CAST: variants seen among roughly 807,000 people sequenced by gnomAD.
CAST encodes the protein calpastatin.
A neutral mutation model predicts 119.6 loss-of-function variants in CAST; 76 were observed. The ratio of observed to expected loss-of-function variants is 0.64; its 90% CI spans 0.53 to 0.77. CAST has a LOEUF of 0.77. Among genes scored for constraint, CAST ranks in the 30% least tolerant of loss-of-function variants. CAST has a pLI of 0.00. For synonymous variants in CAST, 319 were observed against 331.6 expected, an observed-to-expected ratio of 0.96 and a Z score of 0.41; for missense variants, 953 against 946.5, an observed-to-expected ratio of 1.01 and a Z score of -0.09.
rs1392237469 is a variant in CAST, at chr5:96,702,729, C to T, written c.210+6822C>T. 17 of 980,600 alleles carry T rather than the reference C, an allele frequency of 1.7e-5. 1 individual carries two copies. Among genetic ancestry groups the T allele is most frequent in the Middle Eastern group, 1.1e-3 (2 of 1,902 alleles). 60.7% of individuals were successfully genotyped at this position (980,600 alleles called of 1,614,324 possible). A position where few individuals can be genotyped will look rare whatever the true frequency, so the allele number is the denominator to read the frequency against. ...TCCCTCCCCACGCATCCCGGGCTCC[C>T]GGGGCGGGGCCGCCGGGCAGGGGGG... On this transcript the variant is annotated intron_variant, in intron 3 of 31. Transcript: ENST00000675179.
intron 3 of CAST, among the ~76,000 whole-genome samples, chr5:96,711,839 C>T (rs2150360163): frequency 6.6e-6 from 1 of 152,226 alleles, no homozygotes; most frequent in East Asian, 1.9e-4. Flanking sequence ...GGTGAGGTTT[C>T]CCACTTGTCT....
At chr5:96,401,970 C>T in the CAST span, among the ~76,000 whole-genome samples, 50,366 of 152,044 alleles carry the variant, frequency 0.33, 8,688 homozygotes, top group Admixed American at 0.43. Context: ...TTTTCCTCGA[C>T]TTTGAGACCT....
At chr5:96,615,716 T>C (rs1034855709) in intron 1 of CAST, among the ~76,000 whole-genome samples, 1 of 152,154 alleles carries the variant, frequency 6.6e-6, no homozygotes, top group Non-Finnish European at 1.5e-5. Flanking sequence ...AAGCATTTGC[T>C]GGGAAAGAGG....
At chr5:96,729,110 T>C in intron 6 of CAST, 43 bp from the exon 7 acceptor site, 1 of 1,156,816 alleles carries the variant, frequency 8.6e-7, no homozygotes, top group Non-Finnish European at 1.3e-6. Flanking sequence ...GTATTACAAG[T>C]TGGATTCCAG....
chr5:96,147,658 C>T, the CAST span, among the ~76,000 whole-genome samples: 52 of 152,134 alleles, frequency 3.4e-4, no homozygotes, highest in African/African-American at 1.2e-3. Flanking sequence ...AACAAAAGAA[C>T]AAATAATTTG....
the CAST span, among the ~76,000 whole-genome samples, chr5:95,968,065 C>G: frequency 3.3e-5 from 5 of 152,216 alleles, no homozygotes; most frequent in South Asian, 1.0e-3. Flanking sequence ...TTGAACATGG[C>G]TATAAGGTCT....
At chr5:96,737,136 G>A (rs1200948242) in intron 10 of CAST, among the ~76,000 whole-genome samples, 1 of 152,174 alleles carries the variant, frequency 6.6e-6, no homozygotes, top group African/African-American at 2.4e-5. Context: ...GGGGATTATA[G>A]GTCCCTCCCT....
chr5:96,351,401 C>T, the CAST span, among the ~76,000 whole-genome samples: 3 of 152,142 alleles, frequency 2.0e-5, no homozygotes, highest in African/African-American at 7.2e-5. Flanking sequence ...TGTCTCTACA[C>T]ATTGCTTCAG....
At chr5:96,292,303 G>C in the CAST span, among the ~76,000 whole-genome samples, 1 of 152,150 alleles carries the variant, frequency 6.6e-6, no homozygotes, top group African/African-American at 2.4e-5. Context: ...TCCATCCTTA[G>C]GACTCCGTTT....
chr5:96,021,389 A>T, the CAST span, among the ~76,000 whole-genome samples: 1 of 152,288 alleles, frequency 6.6e-6, no homozygotes, highest in East Asian at 1.9e-4. Context: ...GTGCCTAAAG[A>T]GCTCTGCTGT....
At chr5:96,425,048 G>GAAAGAAAGAAAGAAAA in the CAST span, among the ~76,000 whole-genome samples, 1 of 123,866 alleles carries the variant, frequency 8.1e-6, no homozygotes, top group African/African-American at 2.9e-5. Flanking sequence ...AAGAAAGAAA[G>GAAAGAAAGAAAGAAAA]AAAGAAAGAA....
At chr5:96,534,410 G>GGCACGGTGACTCACGC (rs1561408626) in intron 1 of CAST, among the ~76,000 whole-genome samples, 1 of 150,772 alleles carries the variant, frequency 6.6e-6, no homozygotes, top group Non-Finnish European at 1.5e-5. Context: ...AGAAAAATAG[G>GGCACGGTGACTCACGC]CTGTAATCCC....
chr5:96,139,531 C>CAT, the CAST span, among the ~76,000 whole-genome samples: 68 of 121,682 alleles, frequency 5.6e-4, no homozygotes, highest in African/African-American at 1.6e-3. Context: ...TATATATATA[C>CAT]ATATATATAT....
the CAST span, among the ~76,000 whole-genome samples, chr5:96,424,278 G>A: frequency 6.6e-6 from 1 of 152,136 alleles, no homozygotes; most frequent in African/African-American, 2.4e-5. Context: ...GAGGTTGGGG[G>A]GTGGGGTGAC....
At chr5:96,488,066 T>C in the CAST span, among the ~76,000 whole-genome samples, 12 of 152,190 alleles carry the variant, frequency 7.9e-5, no homozygotes, top group Admixed American at 5.9e-4. Flanking sequence ...GCTAAAAATA[T>C]CATCTGTTAC....
chr5:96,608,946 C>T lies in CAST; in HGVS notation c.61-66593C>T, dbSNP rs566500484. On this transcript the variant is annotated intron_variant, in intron 1 of 11. Transcript: ENST00000505143. ...ACCCCCATGATCTAATAATCACCTC[C>T]CACCAAGCCTCTCCTCCAACACCGG... Among the ~76,000 whole-genome samples, 9 of 152,246 alleles carry T rather than the reference C, an allele frequency of 5.9e-5. 1 individual carries two copies. The South Asian group carries it at 1.9e-3, about 32-fold the overall frequency.
chr5:96,328,239 TC>T, the CAST span, among the ~76,000 whole-genome samples: 3 of 152,212 alleles, frequency 2.0e-5, no homozygotes, highest in Non-Finnish European at 4.4e-5. Flanking sequence ...CTTACTGGGT[TC>T]CCAAATCCCA....
the CAST span, among the ~76,000 whole-genome samples, chr5:96,010,514 G>A: frequency 6.6e-6 from 1 of 152,132 alleles, no homozygotes; most frequent in African/African-American, 2.4e-5. Flanking sequence ...GTTTCACCAT[G>A]TTGGCCAGGC....
At chr5:96,250,391 T>G in the CAST span, among the ~76,000 whole-genome samples, 1 of 152,102 alleles carries the variant, frequency 6.6e-6, no homozygotes, top group Non-Finnish European at 1.5e-5. Flanking sequence ...ATTCTTATCC[T>G]CAGGCTCTGA....
Sources: gnomAD v4.1 joint callset for allele counts (sites outside exome capture counted in the v4.1 genomes callset) on GRCh38, gnomAD v4.1.1 for gene constraint, MANE v1.5 for transcripts, NCBI Gene and HGNC (gene_info 2026-07-23, HGNC 2026-07-21) for gene names.